BRINP3: variants seen among roughly 807,000 people sequenced by gnomAD.
The protein encoded by BRINP3 is BMP/retinoic acid inducible neural specific 3.
Under a neutral mutation model 71.0 loss-of-function variants are expected in BRINP3, and 19 were observed. The observed-to-expected ratio is 0.27, with a 90% CI of 0.19 to 0.39. The LOEUF is 0.39. BRINP3 is among the 10% of genes least tolerant of loss of function. BRINP3 has a pLI of 1.00. For missense variants in BRINP3, 959 were observed against 940.8 expected (o/e 1.02, Z -0.25); for synonymous variants, 380 against 337.7 (o/e 1.13, Z -1.37).
chr1:190,110,666 C>T (rs1652587510), intron 7 of BRINP3, among the ~76,000 whole-genome samples: 1 of 152,104 alleles, frequency 6.6e-6, no homozygotes, highest in African/African-American at 2.4e-5. Flanking sequence ...CAGGATATCT[C>T]AGGCCTTCTA....
chr1:190,133,585 A>C (rs560133340), intron 7 of BRINP3, among the ~76,000 whole-genome samples: 127 of 152,238 alleles, frequency 8.3e-4, no homozygotes, highest in Non-Finnish European at 1.5e-3. Flanking sequence ...TATATTCTAC[A>C]GCAATTAAAC....
At chr1:190,155,116 C>T (rs1260242412) in intron 7 of BRINP3, among the ~76,000 whole-genome samples, 1 of 151,962 alleles carries the variant, frequency 6.6e-6, no homozygotes, top group Non-Finnish European at 1.5e-5. Flanking sequence ...AATATGTCAG[C>T]ATTTGGAAGA....
At chr1:190,154,810 G>T (rs924409219) in intron 7 of BRINP3, among the ~76,000 whole-genome samples, 7 of 152,096 alleles carry the variant, frequency 4.6e-5, no homozygotes, top group Non-Finnish European at 7.4e-5. Context: ...GCAGGCTGAG[G>T]TAGCCACGTT....
chr1:190,405,027 G>T (rs984308460), intron 2 of BRINP3, among the ~76,000 whole-genome samples: 1 of 151,548 alleles, frequency 6.6e-6, no homozygotes, highest in Non-Finnish European at 1.5e-5. Context: ...GAACCAAAAA[G>T]AAAGCGACTG....
intron 2 of BRINP3, among the ~76,000 whole-genome samples, chr1:190,286,844 A>G (rs186295923): frequency 1.6e-4 from 24 of 152,246 alleles, no homozygotes; most frequent in African/African-American, 4.8e-4. Context: ...AATCATATGG[A>G]TCTTAAGAAA....
intron 7 of BRINP3, among the ~76,000 whole-genome samples, chr1:190,105,078 G>A (rs1050739353): frequency 1.3e-5 from 2 of 152,036 alleles, no homozygotes; most frequent in East Asian, 3.9e-4. Flanking sequence ...CTGATTATTA[G>A]CTCAGTCACA....
At chr1:190,125,486 C>A (rs774930080) in intron 7 of BRINP3, among the ~76,000 whole-genome samples, 3 of 151,738 alleles carry the variant, frequency 2.0e-5, no homozygotes, top group Non-Finnish European at 4.4e-5. Context: ...TATTAACATG[C>A]AAACTTTTTT....
chr1:190,260,545 C>CAT (rs200049109), intron 4 of BRINP3, among the ~76,000 whole-genome samples: 61 of 150,450 alleles, frequency 4.1e-4, no homozygotes, highest in South Asian at 1.7e-3. Flanking sequence ...GTTTTAAAAA[C>CAT]ATATATATAT....
chr1:190,447,411 C>CT (rs1223501532), intron 2 of BRINP3, among the ~76,000 whole-genome samples: 2 of 146,256 alleles, frequency 1.4e-5, no homozygotes, highest in Non-Finnish European at 3.0e-5. Flanking sequence ...GTATTAATTT[C>CT]TTTTTAATTT....
At chr1:190,375,800 T>C (rs867713223) in intron 2 of BRINP3, among the ~76,000 whole-genome samples, 2 of 152,098 alleles carry the variant, frequency 1.3e-5, no homozygotes, top group Middle Eastern at 3.4e-3. Flanking sequence ...TCTGATATAT[T>C]TGACATCTGG....
chr1:190,408,821 G>A (rs1177485523), intron 2 of BRINP3, among the ~76,000 whole-genome samples: 1 of 152,210 alleles, frequency 6.6e-6, no homozygotes, highest in Non-Finnish European at 1.5e-5. Context: ...ACCTCCAGAT[G>A]TTAACCATCT....
At chr1:190,132,505 G>C (rs1654625822) in intron 7 of BRINP3, among the ~76,000 whole-genome samples, 1 of 152,032 alleles carries the variant, frequency 6.6e-6, no homozygotes, top group South Asian at 2.1e-4. Flanking sequence ...TTATCCAATT[G>C]TAAATTTCTT....
At chr1:190,184,057 A>G (rs1193931893) in intron 6 of BRINP3, among the ~76,000 whole-genome samples, 1 of 152,146 alleles carries the variant, frequency 6.6e-6, no homozygotes, top group Admixed American at 6.6e-5. Context: ...TGCATGATAT[A>G]TGAGGCAAAA....
intron 2 of BRINP3, among the ~76,000 whole-genome samples, chr1:190,309,709 G>A (rs1665383040): frequency 6.6e-6 from 1 of 151,630 alleles, no homozygotes; most frequent in South Asian, 2.1e-4. Flanking sequence ...AATCATTTGT[G>A]AGAAATCCAA....
intron 6 of BRINP3, among the ~76,000 whole-genome samples, chr1:190,166,516 G>C (rs953368117): frequency 5.3e-5 from 8 of 152,088 alleles, no homozygotes; most frequent in Admixed American, 3.3e-4. Context: ...TTGCAACTAC[G>C]GAGGGATTGG....
chr1:190,148,295 T>C (rs1656073099), intron 7 of BRINP3, among the ~76,000 whole-genome samples: 1 of 151,868 alleles, frequency 6.6e-6, no homozygotes, highest in Non-Finnish European at 1.5e-5. Context: ...TTCATGAACC[T>C]CACTTTTAAA....
intron 2 of BRINP3, among the ~76,000 whole-genome samples, chr1:190,320,721 C>A (rs765871563): frequency 3.3e-5 from 5 of 151,724 alleles, no homozygotes; most frequent in African/African-American, 4.8e-5. Context: ...ACCATTTAGG[C>A]AGGCCAGTGA....
intron 2 of BRINP3, among the ~76,000 whole-genome samples, chr1:190,347,666 G>C (rs1316742644): frequency 2.0e-5 from 3 of 152,014 alleles, no homozygotes; most frequent in Admixed American, 2.0e-4. Flanking sequence ...AGAAAATATA[G>C]TGAATTTCTC....
chr1:190,244,716 C>A lies in BRINP3; in HGVS notation c.619-10239G>T, dbSNP rs142613265. Among the ~76,000 whole-genome samples, 605 of 152,156 alleles carry A rather than the reference C, an allele frequency of 4.0e-3. 1 individual carries two copies. The highest frequency in any genetic ancestry group is 0.01 in the Middle Eastern group (3 of 294). Reference sequence around the variant, plus strand: ...AAAGCAGGGAACCTCGTTAGATACACACATTTTAGTTGTTTAACATTTAAT... The same window carrying A: ...AAAGCAGGGAACCTCGTTAGATACAAACATTTTAGTTGTTTAACATTTAAT... On this transcript the variant is annotated intron_variant, in intron 4 of 7. Transcript: ENST00000367462.
Sources: gnomAD v4.1 joint callset for allele counts (sites outside exome capture counted in the v4.1 genomes callset) on GRCh38, gnomAD v4.1.1 for gene constraint, MANE v1.5 for transcripts, NCBI Gene and HGNC (gene_info 2026-07-23, HGNC 2026-07-21) for gene names.